Variants in MCPH1 observed in about 807,000 individuals in gnomAD.
MCPH1 encodes microcephalin.
In MCPH1, 104 loss-of-function variants were observed where a neutral mutation model predicts 84.5. That is an observed-to-expected ratio of 1.23 (90% CI 1.05 to 1.45). The LOEUF (loss-of-function observed/expected upper bound fraction) is 1.45. Ranked by LOEUF, MCPH1 falls within the 40% of genes most tolerant of loss-of-function variation. MCPH1 has a pLI of 0.00. For synonymous variants in MCPH1, 514 were observed against 366.8 expected (o/e 1.40, Z -4.58); for missense variants, 1,498 against 1,005.7 (o/e 1.49, Z -6.62).
chr8:6,470,343 G>A (rs1037365256), intron 9 of MCPH1, among the ~76,000 whole-genome samples: 1 of 152,048 alleles, frequency 6.6e-6, no homozygotes, highest in Non-Finnish European at 1.5e-5. Flanking sequence ...GAGTGCAGTG[G>A]CGCGATCTCC....
chr8:6,504,272 C>G (rs892993348), intron 12 of MCPH1, among the ~76,000 whole-genome samples: 1 of 143,078 alleles, frequency 7.0e-6, no homozygotes, highest in Non-Finnish European at 1.5e-5. Flanking sequence ...GAGCCGAGAT[C>G]GCGCCACTGC....
chr8:6,500,690 T>C (rs1811990618), intron 12 of MCPH1: 2 of 152,222 alleles, frequency 1.3e-5, no homozygotes, highest in Admixed American at 6.5e-5. Context: ...TTTGATTTCC[T>C]TTCAGCTTTA....
At chr8:6,420,013 C>T (rs922003757) in intron 3 of MCPH1, among the ~76,000 whole-genome samples, 1 of 151,086 alleles carries the variant, frequency 6.6e-6, no homozygotes, top group East Asian at 1.9e-4. Flanking sequence ...GTCAGTTCTG[C>T]TGTCTTGCAT....
intron 13 of MCPH1, among the ~76,000 whole-genome samples, chr8:6,622,706 T>G (rs1047875901): frequency 3.9e-5 from 6 of 152,334 alleles, no homozygotes; most frequent in Middle Eastern, 3.4e-3. Flanking sequence ...GACAGCTGCC[T>G]TCTTCCTGTG....
intron 12 of MCPH1, among the ~76,000 whole-genome samples, chr8:6,530,857 T>C (rs1819367730): frequency 6.6e-6 from 1 of 152,234 alleles, no homozygotes; most frequent in Non-Finnish European, 1.5e-5. Flanking sequence ...CCTTCTAGAA[T>C]GAGTCTTACG....
chr8:6,414,333 G>A (rs1460238401), intron 2 of MCPH1, among the ~76,000 whole-genome samples: 1 of 152,164 alleles, frequency 6.6e-6, no homozygotes, highest in African/African-American at 2.4e-5. Flanking sequence ...TAAGATATGA[G>A]GTATTTTTAA....
chr8:6,474,353 A>G (rs1396478678), intron 9 of MCPH1: 3 of 407,064 alleles, frequency 7.4e-6, no homozygotes, highest in Non-Finnish European at 1.4e-5. Flanking sequence ...TCTATCACCA[A>G]GTCAGAACAA....
rs186168813 is a variant in MCPH1 at position 6,644,859 on chromosome 8, T to C, written c.*1810T>C. The C allele has an allele frequency of 5.3e-5, 8 of 152,294 alleles. No individual in the cohort carries two copies. The highest frequency in any genetic ancestry group is 1.2e-4 in the African/African-American group (5 of 41,560). The allele number at this position is 152,294 out of a possible 1,614,324, so 9.4% of individuals were successfully genotyped here. On this transcript the variant is annotated 3_prime_UTR_variant, in exon 14 of 14. Transcript: ENST00000344683. ...GAGGTAGCAGTGCATTGTATAGGAA[T>C]TGGCATTCTATAGAAAACCACAGAA...
intron 9 of MCPH1, among the ~76,000 whole-genome samples, chr8:6,457,583 C>T (rs1338719232): frequency 2.6e-5 from 4 of 152,016 alleles, no homozygotes; most frequent in Non-Finnish European, 4.4e-5. Context: ...CCAGCCTGGG[C>T]GACAGAGTGA....
At chr8:6,445,611 T>C (rs1489267300) in intron 8 of MCPH1, 64 bp downstream of exon 8, 2 of 1,514,436 alleles carry the variant, frequency 1.3e-6, no homozygotes, top group African/African-American at 2.8e-5. Flanking sequence ...CATCCATATT[T>C]TAAATTTATC....
chr8:6,539,200 A>G (rs760135745), intron 12 of MCPH1, among the ~76,000 whole-genome samples: 4 of 152,244 alleles, frequency 2.6e-5, no homozygotes, highest in Non-Finnish European at 5.9e-5. Flanking sequence ...GGGGGTAGGC[A>G]CAGTACCCAC....
At position 6,505,127 on chromosome 8, in the gene MCPH1, A is replaced by T. The variant is rs1813027305; in HGVS notation, c.2214+5198A>T. Among the ~76,000 whole-genome samples, 4 of 91,244 alleles carry T rather than the reference A, an allele frequency of 4.4e-5. No homozygotes were observed. The Admixed American group carries it at 4.7e-4, about 11-fold the overall frequency. The allele number at this position is 91,244 out of a possible 152,430, so 59.9% of individuals were successfully genotyped here. ...GGAATGGCACTGGCAGGTCCTCTTTAGCCTTACCCGTAATGCATTATTTCT... is the reference window on the plus strand; with the variant it reads ...GGAATGGCACTGGCAGGTCCTCTTTTGCCTTACCCGTAATGCATTATTTCT... On this transcript the variant is annotated intron_variant, in intron 12 of 13. Coordinates refer to ENST00000344683, the MANE Select transcript of MCPH1 (RefSeq NM_024596.5).
In MCPH1 at chr8:6,476,986, T is replaced by C. The variant is rs1808546583; in HGVS notation, c.1936-608T>C. 2.0e-5 allele frequency among the ~76,000 whole-genome samples: 3 copies of C among 152,312 alleles called. 1 individual carries two copies. The East Asian group carries it at 5.8e-4, about 29-fold the overall frequency. On this transcript the variant is annotated intron_variant, in intron 9 of 13. Transcript: ENST00000344683. ...AAAATTTGTGTTTCTGATTATATATTTCTATAGCATTTAAATTTTTTGCAA... is the reference window on the plus strand; with the variant it reads ...AAAATTTGTGTTTCTGATTATATATCTCTATAGCATTTAAATTTTTTGCAA...
At chr8:6,596,933 G>T (rs559618060) in intron 12 of MCPH1, among the ~76,000 whole-genome samples, 7 of 152,126 alleles carry the variant, frequency 4.6e-5, no homozygotes, top group Non-Finnish European at 8.8e-5. Flanking sequence ...TAGAGGATAC[G>T]GTCAGAGTTA....
intron 12 of MCPH1, among the ~76,000 whole-genome samples, chr8:6,515,697 A>G (rs1403217952): frequency 6.6e-6 from 1 of 152,234 alleles, no homozygotes; most frequent in Non-Finnish European, 1.5e-5. Flanking sequence ...AGAAAGTAAG[A>G]TAAATTTTCT....
intron 3 of MCPH1, among the ~76,000 whole-genome samples, chr8:6,425,253 G>T (rs1347601891): frequency 2.6e-5 from 4 of 152,200 alleles, no homozygotes; most frequent in Admixed American, 2.0e-4. Flanking sequence ...TTGGTTCTCT[G>T]TTTAGAGACA....
At chr8:6,490,794 C>T (rs369900810) in intron 11 of MCPH1, among the ~76,000 whole-genome samples, 3 of 152,118 alleles carry the variant, frequency 2.0e-5, no homozygotes. Context: ...GCGGTTTTGT[C>T]AGCTAGAGTA....
Position 6,428,745 on chromosome 8 carries a change from G to A in MCPH1, c.234-2754G>A, listed in dbSNP as rs868427156. On this transcript the variant is annotated intron_variant, in intron 3 of 13. Transcript: ENST00000344683. ...TTCCATTGTATGGACACGTGCGCAC[G>A]CACACACACACACACACACACACAG... 4.8e-4 allele frequency among the ~76,000 whole-genome samples: 72 copies of A among 149,538 alleles called. No homozygotes were observed. The South Asian group carries it at 8.0e-3, about 17-fold the overall frequency.
chr8:6,527,659 C>T lies in MCPH1; in HGVS notation c.2214+27730C>T, dbSNP rs115556798. 2,880 of 1,613,650 alleles carry T rather than the reference C, an allele frequency of 1.8e-3. 43 individuals are homozygous for T. In the African/African-American group the frequency reaches 0.035, roughly 20 times the overall value. The stretch of plus-strand genomic sequence containing the variant: ...GTTCCAAGAGCTGAAGTTCAAGTCT[C>T]GTGGTCTGATTTAATACCTAAATGT... On this transcript the variant is annotated intron_variant, in intron 12 of 13. Transcript: ENST00000344683.
Sources: gnomAD v4.1 joint callset for allele counts (sites outside exome capture counted in the v4.1 genomes callset) on GRCh38, gnomAD v4.1.1 for gene constraint, MANE v1.5 for transcripts, NCBI Gene and HGNC (gene_info 2026-07-23, HGNC 2026-07-21) for gene names.